Variants in ASIP observed in about 807,000 individuals in gnomAD.
ASIP encodes agouti-signaling protein.
A neutral mutation model predicts 10.3 loss-of-function variants in ASIP; 11 were observed. The observed-to-expected ratio is 1.07, with a 90% CI of 0.68 to 1.78. The LOEUF (loss-of-function observed/expected upper bound fraction) is 1.78, where lower values mean the gene tolerates loss of function less well. ASIP is among the 40% of genes most tolerant of loss of function. The pLI is 0.00. For missense variants in ASIP, 180 were observed against 169.2 expected (o/e 1.06, Z -0.35); for synonymous variants, 70 against 70.8 (o/e 0.99, Z 0.06).
intron 1 of ASIP, among the ~76,000 whole-genome samples, chr20:34,249,121 C>G (rs192909041): frequency 6.6e-6 from 1 of 151,584 alleles, no homozygotes; most frequent in Admixed American, 6.6e-5. Flanking sequence ...AGAGTGAGAC[C>G]CTGTCTCGAA....
chr20:34,253,821 T>C (rs983031107), intron 1 of ASIP, among the ~76,000 whole-genome samples: 3 of 152,160 alleles, frequency 2.0e-5, no homozygotes, highest in East Asian at 3.9e-4. Context: ...GCCATTTAAA[T>C]GACAGGTTCA....
chr20:34,215,184 T>C, intron 1 of ASIP: 1 of 1,600,770 alleles, frequency 6.2e-7, no homozygotes, highest in Non-Finnish European at 8.6e-7. Context: ...GTAGAACTTC[T>C]ATTGACATAT....
intron 1 of ASIP, among the ~76,000 whole-genome samples, chr20:34,211,018 T>C (rs1230168484): frequency 6.6e-6 from 1 of 152,334 alleles, no homozygotes; most frequent in East Asian, 1.9e-4. Context: ...TTTTCTCTTG[T>C]AGTGTTCTCT....
intron 3 of ASIP, 150 bp downstream of exon 3, chr20:34,263,043 G>A (rs1431724436): frequency 3.2e-6 from 3 of 940,102 alleles, no homozygotes; most frequent in Non-Finnish European, 3.1e-6. Flanking sequence ...AGACTTCCTG[G>A]CTTGAGCTCT....
intron 1 of ASIP, among the ~76,000 whole-genome samples, chr20:34,258,700 A>ATATGTATATACATAC (rs2035623932): frequency 2.6e-5 from 2 of 77,918 alleles, no homozygotes; most frequent in African/African-American, 9.3e-5. Context: ...TACATACTAT[A>ATATGTATATACATAC]TATATATATT....
At chr20:34,257,064 CTT>C (rs72262157) in intron 1 of ASIP, among the ~76,000 whole-genome samples, 14,541 of 125,356 alleles carry the variant, frequency 0.12, 717 homozygotes, top group East Asian at 0.23. Flanking sequence ...CTCTCTCTTT[CTT>C]TCTCTTTTTT....
At chr20:34,227,779 C>A (rs1193856816) in intron 1 of ASIP, among the ~76,000 whole-genome samples, 2 of 152,084 alleles carry the variant, frequency 1.3e-5, no homozygotes, top group African/African-American at 4.8e-5. Context: ...CAAGTTTATT[C>A]TAAAATTCAT....
chr20:34,236,007 A>AAG (rs1568756842), intron 1 of ASIP, among the ~76,000 whole-genome samples: 3 of 98,538 alleles, frequency 3.0e-5, no homozygotes, highest in Non-Finnish European at 5.3e-5. Context: ...AAGGAGAAAG[A>AAG]GAGAAAGAGA....
At chr20:34,192,810 C>G (rs575196414), upstream of ASIP, among the ~76,000 whole-genome samples, 15 of 152,200 alleles carry the variant, frequency 9.9e-5, no homozygotes, top group African/African-American at 3.6e-4. Flanking sequence ...AGCTTTAAAA[C>G]ATTTAAAAAA....
Position 34,235,611 on chromosome 20 carries a change from T to G in ASIP, c.-10-24754T>G, listed in dbSNP as rs149746395. 3.6e-3 allele frequency among the ~76,000 whole-genome samples: 549 copies of G among 151,810 alleles called. 2 individuals are homozygous for G. The highest frequency in any genetic ancestry group is 0.017 in the Middle Eastern group (5 of 294). On this transcript the variant is annotated intron_variant, in intron 1 of 3. Coordinates refer to the ASIP transcript ENST00000568305. The stretch of plus-strand genomic sequence containing the variant: ...ACAATCATGGCCAAAACAAAAAGTT[T>G]GTTTGTGATGTTGAAAGAAAAGTCT...
chr20:34,199,496 C>T (rs1185243895), intron 1 of ASIP, among the ~76,000 whole-genome samples: 2 of 152,054 alleles, frequency 1.3e-5, no homozygotes, highest in African/African-American at 2.4e-5. Context: ...CTGTCTTTTA[C>T]GTTTAGCCAT....
At chr20:34,207,852 C>T (rs1354822795) in intron 1 of ASIP, among the ~76,000 whole-genome samples, 13 of 151,388 alleles carry the variant, frequency 8.6e-5, no homozygotes, top group East Asian at 2.0e-4. Context: ...TGCAGTGGCA[C>T]GATCTGGGCT....
intron 1 of ASIP, among the ~76,000 whole-genome samples, chr20:34,260,148 T>C (rs1204293360): frequency 1.3e-5 from 2 of 151,904 alleles, no homozygotes; most frequent in African/African-American, 4.8e-5. Context: ...TCTCCTTCTG[T>C]TCCTTGTCTT....
At chr20:34,198,612 A>G (rs760767705) in intron 1 of ASIP, among the ~76,000 whole-genome samples, 28 of 152,064 alleles carry the variant, frequency 1.8e-4, no homozygotes, top group Non-Finnish European at 4.0e-4. Context: ...CAGGTTCCCA[A>G]GTAGCTAGGA....
intron 1 of ASIP, chr20:34,215,417 C>T: frequency 6.5e-7 from 1 of 1,537,732 alleles, no homozygotes; most frequent in Non-Finnish European, 9.0e-7. Flanking sequence ...GATGTATGCA[C>T]CACATCACGA....
At chr20:34,222,539 C>T (rs2035054866) in intron 1 of ASIP, among the ~76,000 whole-genome samples, 1 of 151,980 alleles carries the variant, frequency 6.6e-6, no homozygotes, top group South Asian at 2.1e-4. Context: ...TTTTTCAGGC[C>T]CTAGATTCTA....
intron 1 of ASIP, among the ~76,000 whole-genome samples, chr20:34,251,427 C>G (rs207477539): frequency 1.3e-5 from 2 of 151,926 alleles, no homozygotes; most frequent in Non-Finnish European, 2.9e-5. Flanking sequence ...CCCGCCACCA[C>G]GCCCGGCTGA....
At chr20:34,201,042 TTCTTTCTTTCTTTCTTTC>T (rs976352411) in intron 1 of ASIP, among the ~76,000 whole-genome samples, 2 of 120,682 alleles carry the variant, frequency 1.7e-5, no homozygotes, top group Non-Finnish European at 3.6e-5. Context: ...CTTTCTTTCT[TTCTTTCTTTCTTTCTTTC>T]TTTTTTTTCC....
At chr20:34,200,464 G>A (rs767240543) in intron 1 of ASIP, among the ~76,000 whole-genome samples, 6 of 152,242 alleles carry the variant, frequency 3.9e-5, no homozygotes, top group Non-Finnish European at 7.3e-5. Context: ...ATCTTACCAA[G>A]AAGTAAATAT....
Sources: gnomAD v4.1 joint callset for allele counts (sites outside exome capture counted in the v4.1 genomes callset) on GRCh38, gnomAD v4.1.1 for gene constraint, MANE v1.5 for transcripts, NCBI Gene and HGNC (gene_info 2026-07-23, HGNC 2026-07-21) for gene names.